SCO1: variants seen among roughly 807,000 people sequenced by gnomAD.
SCO1 encodes cytochrome c oxidase assembly factor SCO1.
In SCO1, 23 loss-of-function variants were observed where a neutral mutation model predicts 34.0. That is an observed-to-expected ratio of 0.68 (90% confidence interval 0.49 to 0.96). SCO1 has a LOEUF of 0.96. Ranked by LOEUF, SCO1 falls within the 40% of genes least tolerant of loss-of-function variation. The pLI, the probability that SCO1 is intolerant of heterozygous loss-of-function variation, is 0.00. For synonymous variants in SCO1, 161 were observed against 145.5 expected, an observed-to-expected ratio of 1.11 and a Z score of -0.77; for missense variants, 404 against 381.6, an observed-to-expected ratio of 1.06 and a Z score of -0.49.
At chr17:10,692,256 A>T (rs1006142490) in intron 3 of SCO1, among the ~76,000 whole-genome samples, 1 of 152,222 alleles carries the variant, frequency 6.6e-6, no homozygotes, top group African/African-American at 2.4e-5. Context: ...GGATAATGTC[A>T]TGTGGCTATC....
chr17:10,685,035 G>A (rs145751725), intron 5 of SCO1, among the ~76,000 whole-genome samples: 18 of 152,358 alleles, frequency 1.2e-4, no homozygotes, highest in Non-Finnish European at 1.2e-4. Context: ...GCTTAATTAA[G>A]GCAAACAGGC....
chr17:10,684,386 G>C (rs2074641065), intron 5 of SCO1, among the ~76,000 whole-genome samples: 1 of 152,166 alleles, frequency 6.6e-6, no homozygotes, highest in Non-Finnish European at 1.5e-5. Flanking sequence ...GGCAAGGCAG[G>C]CTACACGATT....
intron 4 of SCO1, among the ~76,000 whole-genome samples, chr17:10,687,869 T>C (rs2074666277): frequency 6.6e-6 from 1 of 152,192 alleles, no homozygotes; most frequent in Admixed American, 6.5e-5. Context: ...GATATTATGG[T>C]TTGGTTAGTA....
At chr17:10,684,741 T>C (rs1400101741) in intron 5 of SCO1, among the ~76,000 whole-genome samples, 3 of 152,242 alleles carry the variant, frequency 2.0e-5, no homozygotes, top group South Asian at 4.1e-4. Context: ...CTATTCCTGC[T>C]GTCATCATCG....
chr17:10,677,427 A>G lies in SCO1; in HGVS notation c.*3692T>C, dbSNP rs2074587986. On this transcript the variant is annotated 3_prime_UTR_variant, in exon 6 of 6. Transcript: ENST00000255390. ...AAAGGTAGCTCATATACACATACAC[A>G]AAGATTTAAATGGTACTAAACAGAA... 6.6e-6 allele frequency: 1 copy of G among 152,260 alleles called. No homozygotes were observed. 9.4% of individuals were successfully genotyped at this position (152,260 alleles called of 1,614,324 possible).
At chr17:10,681,374 TATTA>T (rs1439987948) in intron 5 of SCO1, 121 bp from the exon 6 acceptor site, 2 of 1,088,010 alleles carry the variant, frequency 1.8e-6, no homozygotes, top group Admixed American at 3.7e-5. Context: ...TTACAGCATC[TATTA>T]TTTATGGAAT....
At chr17:10,693,434 G>A (rs921368425) in intron 2 of SCO1, among the ~76,000 whole-genome samples, 2 of 152,164 alleles carry the variant, frequency 1.3e-5, no homozygotes, top group Non-Finnish European at 2.9e-5. Context: ...TTAAAGAGAA[G>A]AGAGTTACAA....
At chr17:10,688,467 T>C (rs1183750444) in intron 4 of SCO1, among the ~76,000 whole-genome samples, 1 of 151,624 alleles carries the variant, frequency 6.6e-6, no homozygotes, top group Non-Finnish European at 1.5e-5. Context: ...CCTACTAGAG[T>C]GGCTAAAATT....
intron 5 of SCO1, among the ~76,000 whole-genome samples, chr17:10,684,248 T>C (rs2074639932): frequency 6.6e-6 from 1 of 152,212 alleles, no homozygotes; most frequent in South Asian, 2.1e-4. Context: ...CTGGATTATC[T>C]GTGTTGTGAG....
chr17:10,686,601 T>C, intron 5 of SCO1, 126 bp downstream of exon 5: 1 of 682,546 alleles, frequency 1.5e-6, no homozygotes, highest in East Asian at 2.7e-5. Context: ...AAAAAAAAAA[T>C]TCCTAAGGAC....
chr17:10,697,365 TGC>T lies in SCO1; in HGVS notation c.141_142del (p.Gln48SerfsTer102). The T allele has an allele frequency of 6.3e-7, 1 of 1,594,716 alleles. No homozygotes were observed. The highest frequency in any genetic ancestry group is 8.5e-7 in the Non-Finnish European group (1 of 1,170,582). On this transcript the variant is annotated frameshift_variant, in exon 1 of 6. Coordinates refer to ENST00000255390, the MANE Select transcript of SCO1 (RefSeq NM_004589.4). LOFTEE classifies it high-confidence loss of function. The stretch of plus-strand genomic sequence containing the variant: ...CCCCGAGGCACGCCACGCCTCCGCT[TGC>T]CGCGCGCAGAACTGCCTCAGCAAGA...
At chr17:10,694,140 G>A (rs1189793616) in intron 2 of SCO1, among the ~76,000 whole-genome samples, 3 of 152,194 alleles carry the variant, frequency 2.0e-5, no homozygotes, top group Non-Finnish European at 4.4e-5. Flanking sequence ...CATCACTTTT[G>A]TGATATTCCT....
At chr17:10,694,146 T>C (rs1236202071) in intron 2 of SCO1, among the ~76,000 whole-genome samples, 2 of 152,234 alleles carry the variant, frequency 1.3e-5, no homozygotes, top group African/African-American at 4.8e-5. Context: ...TTTTGTGATA[T>C]TCCTGCCAAA....
chr17:10,692,930 G>C lies in SCO1; in HGVS notation c.396C>G (p.Gly132=), dbSNP rs1057522501. ...KLEKERQRHI[G]KPLLGGPFSL... is the part of the protein sequence containing the mutation. ...AAAACGGTCCCCCAAGTAAAGGCTTGCCGATGTGTCGCTGCCGTTCCTTCT... is the reference window on the plus strand; with the variant it reads ...AAAACGGTCCCCCAAGTAAAGGCTTCCCGATGTGTCGCTGCCGTTCCTTCT... Residue 132 remains glycine, a synonymous_variant, in exon 3 of 6, where the codon GGC becomes GGG. Coordinates refer to ENST00000255390, the MANE Select transcript of SCO1 (RefSeq NM_004589.4). 26 of 1,614,112 alleles carry C rather than the reference G, an allele frequency of 1.6e-5. No individual in the cohort carries two copies. Among genetic ancestry groups the C allele is most frequent in the Non-Finnish European group, 2.2e-5 (26 of 1,180,026 alleles).
intron 4 of SCO1, 63 bp from the exon 5 acceptor site, chr17:10,686,905 C>CA (rs2074660452): frequency 1.9e-6 from 2 of 1,042,808 alleles, no homozygotes; most frequent in Non-Finnish European, 1.5e-6. Context: ...ATCTCTACTT[C>CA]AAAAAATGTA....
chr17:10,697,292 C>A lies in SCO1; in HGVS notation c.216G>T (p.Pro72=). 1.3e-6 allele frequency: 2 copies of A among 1,564,638 alleles called. No homozygotes were observed. Among genetic ancestry groups the A allele is most frequent in the Non-Finnish European group, 1.7e-6 (2 of 1,154,980 alleles). The change falls in exon 1 of 6, where the codon CCG becomes CCT. Residue 72 remains proline (P), a synonymous_variant. Transcript: ENST00000255390. The part of the protein sequence containing the change: ...LGTRPLSTAR[P]PPPWSQKGPG... ...GGCCCTTCTGCGACCACGGGGGTGG[C>A]GGCCTCGCAGTGCTGAGGGGCCGGG...
Position 10,691,913 on chromosome 17 carries a change from G to C in SCO1, c.614C>G (p.Pro205Arg). The C allele has an allele frequency of 1.2e-6, 2 of 1,613,432 alleles. No homozygotes were observed. Among genetic ancestry groups the C allele is most frequent in the Non-Finnish European group, 1.7e-6 (2 of 1,179,394 alleles). The change falls in exon 4 of 6, where the codon CCA (proline) becomes CGA (arginine). Residue 205 changes from proline to arginine, a missense_variant. By Grantham distance (103) the Pro-to-Arg change is moderately radical. Coordinates refer to ENST00000255390, the MANE Select transcript of SCO1 (RefSeq NM_004589.4). The part of the protein sequence containing the change: ...DLTPLFISID[P>R]ERDTKEAIAN... ...GATGGCTTCTTTTGTGTCCCTCTCT[G>C]GGTCAATGCTGATGAAAAGTGGAGT... is the stretch of plus-strand genomic sequence containing the variant.
intron 5 of SCO1, among the ~76,000 whole-genome samples, chr17:10,683,502 A>T (rs2074634910): frequency 1.3e-5 from 2 of 152,098 alleles, no homozygotes; most frequent in African/African-American, 4.8e-5. Flanking sequence ...TCCTATCAAC[A>T]ATGCATGAGT....
Position 10,686,513 on chromosome 17 carries a change from C to T in SCO1, c.771+214G>A, listed in dbSNP as rs184024742. ...AGGAGAATTGCTTGAATCTGGGAGG[C>T]GGAGGTTGCAGTGAGCGAAGATTGT... On this transcript the variant is annotated intron_variant, in intron 5 of 5. Transcript: ENST00000255390. Among the ~76,000 whole-genome samples the T allele has an allele frequency of 1.3e-3, 185 of 147,208 alleles. 2 individuals carry two copies. Among genetic ancestry groups the T allele is most frequent in the Admixed American group, 0.012 (173 of 14,318 alleles).
Sources: gnomAD v4.1 joint callset for allele counts (sites outside exome capture counted in the v4.1 genomes callset) on GRCh38, gnomAD v4.1.1 for gene constraint, MANE v1.5 for transcripts, NCBI Gene and HGNC (gene_info 2026-07-23, HGNC 2026-07-21) for gene names.